PHLPP2: variants seen among roughly 807,000 people sequenced by gnomAD.
PHLPP2 encodes PH domain and leucine rich repeat protein phosphatase 2.
A neutral mutation model predicts 124.9 loss-of-function variants in PHLPP2; 66 were observed. That is an observed-to-expected ratio of 0.53 (90% confidence interval 0.43 to 0.65). The LOEUF (loss-of-function observed/expected upper bound fraction) is 0.65, where lower values mean the gene tolerates loss of function less well. PHLPP2 is among the 30% of genes least tolerant of loss of function. PHLPP2 has a pLI of 0.00. For missense variants in PHLPP2, 1,685 were observed against 1,600.4 expected (o/e 1.05, Z -0.90); for synonymous variants, 681 against 624.7 (o/e 1.09, Z -1.34).
chr16:71,646,174 G>T lies in PHLPP2; in HGVS notation c.*2716C>A, dbSNP rs969703238. ...AGATACGGGCTTTCACTGACAGCCT[G>T]TTTAGAAAACACAATGTCTGTAAGT... On this transcript the variant is annotated 3_prime_UTR_variant, in exon 19 of 19. Coordinates refer to ENST00000568954, the MANE Select transcript of PHLPP2 (RefSeq NM_015020.3). 2 of 152,628 alleles carry T rather than the reference G, an allele frequency of 1.3e-5. No homozygotes were observed. The highest frequency in any genetic ancestry group is 4.8e-5 in the African/African-American group (2 of 41,462). The allele number at this position is 152,628 out of a possible 1,614,324, so 9.5% of individuals were successfully genotyped here. A position where few individuals can be genotyped will look rare whatever the true frequency, so the allele number is the denominator to read the frequency against.
intron 13 of PHLPP2, among the ~76,000 whole-genome samples, chr16:71,662,889 T>C (rs74249744): frequency 6.9e-6 from 1 of 145,420 alleles, no homozygotes; most frequent in Admixed American, 7.0e-5. Context: ...GTTTTTTTTT[T>C]AACCAAATGT....
rs2044675433 is a variant in PHLPP2 at position 71,649,174 on chromosome 16, G to A, written c.3688C>T (p.Pro1230Ser). The A allele has an allele frequency of 2.5e-6, 4 of 1,614,148 alleles. No homozygotes were observed. Among genetic ancestry groups the A allele is most frequent in the Non-Finnish European group, 3.4e-6 (4 of 1,180,014 alleles). ...TTCCCATAGAGGCAGGAGGTGGAGG[G>A]AGACTTCTGTAACTCCATCCTGTCC... ...SKDRMELQKS[P>S]STSCLYGKKL... The change falls in exon 19 of 19, where the codon CCC (proline) becomes TCC (serine). Residue 1230 changes from proline (P) to serine (S), a missense_variant. Pro to Ser is a moderately conservative substitution (Grantham distance 74). Coordinates refer to ENST00000568954, the MANE Select transcript of PHLPP2 (RefSeq NM_015020.3).
chr16:71,703,250 C>T (rs896353116), intron 2 of PHLPP2, among the ~76,000 whole-genome samples: 10 of 152,086 alleles, frequency 6.6e-5, no homozygotes, highest in Non-Finnish European at 1.3e-4. Flanking sequence ...TTTTTGGTGT[C>T]AGGACCCCTT....
chr16:71,664,350 T>C (rs2044820084), intron 12 of PHLPP2: 8 of 547,324 alleles, frequency 1.5e-5, no homozygotes, highest in Admixed American at 6.4e-5. Flanking sequence ...CTGGAGTGCC[T>C]GATTCTAACC....
intron 1 of PHLPP2, among the ~76,000 whole-genome samples, chr16:71,721,391 G>C (rs973521227): frequency 1.3e-5 from 2 of 152,134 alleles, no homozygotes; most frequent in African/African-American, 4.8e-5. Flanking sequence ...CCAAGGTTAA[G>C]AGGATCACTT....
At chr16:71,663,136 C>G (rs1031659238) in intron 13 of PHLPP2, among the ~76,000 whole-genome samples, 2 of 152,054 alleles carry the variant, frequency 1.3e-5, no homozygotes, top group African/African-American at 4.8e-5. Context: ...TTTTGAGACA[C>G]AGTCTCACTC....
chr16:71,676,782 T>G (rs1185109923), intron 8 of PHLPP2, 133 bp from the exon 9 acceptor site: 1 of 663,802 alleles, frequency 1.5e-6, no homozygotes, highest in African/African-American at 1.8e-5. Flanking sequence ...GGAGTTTCAC[T>G]GTGTTGCGCA....
chr16:71,670,184 T>C (rs1178056999), intron 10 of PHLPP2, among the ~76,000 whole-genome samples: 2 of 152,058 alleles, frequency 1.3e-5, no homozygotes, highest in Admixed American at 6.6e-5. Flanking sequence ...ATGATGTGTA[T>C]GGGGAATAAC....
intron 5 of PHLPP2, among the ~76,000 whole-genome samples, chr16:71,683,481 G>C (rs8048057): frequency 2.0e-5 from 3 of 151,958 alleles, no homozygotes; most frequent in South Asian, 4.1e-4. Flanking sequence ...CCCAAGTTAT[G>C]GAATGAATCC....
At chr16:71,701,280 CT>C (rs2045229985) in intron 3 of PHLPP2, among the ~76,000 whole-genome samples, 1 of 77,544 alleles carries the variant, frequency 1.3e-5, no homozygotes, top group Non-Finnish European at 2.5e-5. Context: ...ATCTATCTAT[CT>C]ATCTATCTAT....
chr16:71,648,430 A>T lies in PHLPP2; in HGVS notation c.*460T>A. The T allele has an allele frequency of 5.9e-6, 1 of 169,032 alleles. No individual in the cohort carries two copies. 10.5% of individuals were successfully genotyped at this position (169,032 alleles called of 1,614,324 possible). ...CCAGAGCCAGCCCCTGATGGCTCTCACACTTTTTGGCTCCGAGTTCAACCC... is the reference window on the plus strand; with the variant it reads ...CCAGAGCCAGCCCCTGATGGCTCTCTCACTTTTTGGCTCCGAGTTCAACCC... On this transcript the variant is annotated 3_prime_UTR_variant, in exon 19 of 19. Coordinates refer to ENST00000568954, the MANE Select transcript of PHLPP2 (RefSeq NM_015020.3).
At chr16:71,710,047 C>T (rs2145378561) in intron 2 of PHLPP2, among the ~76,000 whole-genome samples, 1 of 152,254 alleles carries the variant, frequency 6.6e-6, no homozygotes, top group South Asian at 2.1e-4. Context: ...CGGGGCTTCA[C>T]CATGTTGCCC....
chr16:71,689,135 C>A (rs568955978), intron 4 of PHLPP2, among the ~76,000 whole-genome samples: 2 of 152,236 alleles, frequency 1.3e-5, no homozygotes, highest in Non-Finnish European at 2.9e-5. Flanking sequence ...AGACCCAGAG[C>A]CCAGGAGGCC....
rs750672400 is a variant in PHLPP2, at chr16:71,690,748, T to G, written c.419-39A>C. On this transcript the variant is annotated intron_variant, in intron 3 of 18. Transcript: ENST00000568954. ...AATACTTCAGAATCCACCATTAAAG[T>G]AGTGTAAGAATACAGAAATGGAAAA... 60 of 1,381,138 alleles carry G rather than the reference T, an allele frequency of 4.3e-5. No individual in the cohort carries two copies. In the African/African-American group the frequency reaches 5.4e-4, roughly 13 times the overall value. The allele number at this position is 1,381,138 out of a possible 1,614,324, so 85.6% of individuals were successfully genotyped here.
At chr16:71,696,435 G>A (rs1375793019) in intron 3 of PHLPP2, among the ~76,000 whole-genome samples, 2 of 152,000 alleles carry the variant, frequency 1.3e-5, no homozygotes, top group Non-Finnish European at 2.9e-5. Flanking sequence ...TCAGGAGTTC[G>A]AGACCAGCCT....
intron 16 of PHLPP2, among the ~76,000 whole-genome samples, chr16:71,655,827 T>C (rs2044737689): frequency 6.6e-6 from 1 of 152,094 alleles, no homozygotes; most frequent in Non-Finnish European, 1.5e-5. Flanking sequence ...TAATTAAAGG[T>C]GGCAAAGACT....
chr16:71,668,329 T>C (rs1361409549), intron 11 of PHLPP2, among the ~76,000 whole-genome samples: 1 of 140,178 alleles, frequency 7.1e-6, no homozygotes, highest in East Asian at 2.1e-4. Context: ...GGCAGGAGGA[T>C]GGTGTGAACT....
chr16:71,712,776 A>C (rs1401692820), intron 2 of PHLPP2, among the ~76,000 whole-genome samples: 2 of 152,252 alleles, frequency 1.3e-5, no homozygotes, highest in African/African-American at 2.4e-5. Flanking sequence ...AAATGACATC[A>C]AATTTTAGCT....
At chr16:71,722,269 T>C (rs577643633) in intron 1 of PHLPP2, among the ~76,000 whole-genome samples, 1 of 152,112 alleles carries the variant, frequency 6.6e-6, no homozygotes, top group East Asian at 1.9e-4. Context: ...CTGTCTCTAC[T>C]AAAAATACAA....
Sources: allele counts gnomAD v4.1 joint callset (sites outside exome capture counted in the v4.1 genomes callset), GRCh38; gene constraint gnomAD v4.1.1; transcripts MANE v1.5; gene names NCBI Gene and HGNC (gene_info 2026-07-23, HGNC 2026-07-21).